Variants in PTPN13 observed in about 807,000 individuals in gnomAD.
PTPN13 encodes the protein tyrosine-protein phosphatase non-receptor type 13.
Under a neutral mutation model 284.0 loss-of-function variants are expected in PTPN13, and 191 were observed. The observed-to-expected ratio is 0.67, with a 90% confidence interval of 0.60 to 0.76. The LOEUF is 0.76. Among genes scored for constraint, PTPN13 ranks in the 30% least tolerant of loss-of-function variants. The pLI is 0.00. For missense variants in PTPN13, 2,797 were observed against 2,939.9 expected (o/e 0.95, Z 1.12); for synonymous variants, 986 against 1,022.3 (o/e 0.96, Z 0.68).
intron 44 of PTPN13, among the ~76,000 whole-genome samples, chr4:86,805,670 TA>T (rs1300070972): frequency 1.3e-5 from 2 of 152,234 alleles, no homozygotes; most frequent in African/African-American, 4.8e-5. Flanking sequence ...AAAATCTTTT[TA>T]AAAATAGGAA....
intron 7 of PTPN13, among the ~76,000 whole-genome samples, chr4:86,703,356 T>C (rs919090638): frequency 6.6e-6 from 1 of 151,992 alleles, no homozygotes; most frequent in Admixed American, 6.6e-5. Context: ...CAACAGCTAG[T>C]ATATGAACAT....
At chr4:86,765,541 GA>G in intron 26 of PTPN13, 53 bp downstream of exon 26, 1 of 1,260,018 alleles carries the variant, frequency 7.9e-7, no homozygotes, top group Non-Finnish European at 1.1e-6. Context: ...ACAACAAATA[GA>G]TAAGAAATTA....
chr4:86,732,818 A>C, intron 12 of PTPN13, 52 bp downstream of exon 12: 2 of 1,494,908 alleles, frequency 1.3e-6, no homozygotes, highest in Admixed American at 1.9e-5. Context: ...AGCAACAAGC[A>C]GACTTCCTAT....
rs1161704816 is a variant in PTPN13 at position 86,728,261 on chromosome 4, T to C, written c.1609-4139T>C. Among the ~76,000 whole-genome samples, 2 of 149,456 alleles carry C rather than the reference T, an allele frequency of 1.3e-5. 1 individual carries two copies. Among genetic ancestry groups the C allele is most frequent in the Non-Finnish European group, 3.0e-5 (2 of 66,626 alleles). On this transcript the variant is annotated intron_variant, in intron 10 of 47. Coordinates refer to ENST00000411767, the MANE Select transcript of PTPN13 (RefSeq NM_080683.3). ...TATGTGGTCAATTTTAGAATAAGTG[T>C]GATGTGGTGCTGAGAAGAATGTACA...
chr4:86,696,908 T>C (rs1312003755), intron 6 of PTPN13, among the ~76,000 whole-genome samples: 1 of 152,056 alleles, frequency 6.6e-6, no homozygotes, highest in East Asian at 1.9e-4. Flanking sequence ...TCTTTAGACC[T>C]TCTTAACCAT....
rs1293715960 is a variant in PTPN13 at position 86,600,598 on chromosome 4, CA to C, written c.-6+5814del. Among the ~76,000 whole-genome samples the C allele has an allele frequency of 2.0e-5, 3 of 151,602 alleles. No homozygotes were observed. In the East Asian group the frequency reaches 5.8e-4, roughly 29 times the overall value. ...CTTAGTTGTAATAGAGTCTGTGGAA[CA>C]AAAATGAAACATTCTTGTTGAACTT... On this transcript the variant is annotated intron_variant, in intron 1 of 47. Transcript: ENST00000411767.
chr4:86,781,039 G>T (rs539567176), intron 36 of PTPN13, among the ~76,000 whole-genome samples: 6 of 152,158 alleles, frequency 3.9e-5, no homozygotes, highest in Admixed American at 1.3e-4. Context: ...GTTTTGAACC[G>T]GTGGTGTATT....
At chr4:86,620,240 A>G (rs1721056930) in intron 1 of PTPN13, among the ~76,000 whole-genome samples, 1 of 152,174 alleles carries the variant, frequency 6.6e-6, no homozygotes, top group African/African-American at 2.4e-5. Context: ...GGCCCGGTTC[A>G]CTGCAGCCTT....
chr4:86,631,713 C>T (rs141678696), intron 1 of PTPN13, among the ~76,000 whole-genome samples: 277 of 152,084 alleles, frequency 1.8e-3, no homozygotes, highest in Non-Finnish European at 2.8e-3. Context: ...TGATATAATT[C>T]GTACCCGATT....
rs748129111 is a variant in PTPN13, at chr4:86,689,190, G to A, written c.546G>A (p.Gly182=). 26 of 1,608,688 alleles carry A rather than the reference G, an allele frequency of 1.6e-5. No individual in the cohort carries two copies. The highest frequency in any genetic ancestry group is 2.0e-5 in the Non-Finnish European group (23 of 1,175,696). The change falls in exon 5 of 48, where the codon GGG becomes GGA. Residue 182 remains glycine, a splice_region_variant and synonymous_variant. Coordinates refer to ENST00000411767, the MANE Select transcript of PTPN13 (RefSeq NM_080683.3). ...LVKLVLGNLS[G]TDQLSCNSEQ... The stretch of plus-strand genomic sequence containing the variant: ...AACTGGTTCTGGGAAATCTTTCTGG[G>A]GTAAGCTACAGTTACAATAGTAAAT...
chr4:86,655,406 T>C (rs961968952), intron 2 of PTPN13, among the ~76,000 whole-genome samples: 2 of 152,214 alleles, frequency 1.3e-5, no homozygotes, highest in African/African-American at 4.8e-5. Context: ...TGTTTAGTGC[T>C]TCTTTCAGGA....
At chr4:86,638,586 C>T (rs1032117922) in intron 2 of PTPN13, among the ~76,000 whole-genome samples, 14 of 152,116 alleles carry the variant, frequency 9.2e-5, no homozygotes, top group Admixed American at 2.0e-4. Context: ...GGAAACGATT[C>T]GCTATTTAAT....
At chr4:86,771,807 A>T (rs547595684) in intron 31 of PTPN13, among the ~76,000 whole-genome samples, 30 of 152,344 alleles carry the variant, frequency 2.0e-4, no homozygotes, top group African/African-American at 6.0e-4. Context: ...ACTGTTAATC[A>T]TACTACTTAA....
chr4:86,712,524 C>A (rs987979763), intron 7 of PTPN13, among the ~76,000 whole-genome samples: 1 of 151,948 alleles, frequency 6.6e-6, no homozygotes. Flanking sequence ...CTTCAGAACA[C>A]AAGAAGCTCA....
chr4:86,672,478 C>T lies in PTPN13; in HGVS notation c.229C>T (p.Arg77Ter), dbSNP rs766654950. The T allele has an allele frequency of 1.9e-6, 3 of 1,603,838 alleles. No homozygotes were observed. Among genetic ancestry groups the T allele is most frequent in the Admixed American group, 1.7e-5 (1 of 58,662 alleles). Reference sequence around the variant, plus strand: ...TGAAAATATTTCCAATCAGGATCTTCGAGCATTCACTGCACCAGAGGTTCT... The same window carrying T: ...TGAAAATATTTCCAATCAGGATCTTTGAGCATTCACTGCACCAGAGGTTCT... ...TDENISNQDL[R>*]AFTAPEVLQN... is the part of the protein sequence containing the mutation. The change falls in exon 3 of 48, where the codon CGA (arginine) becomes TGA (stop). Residue 77 changes from arginine (R) to a stop codon, truncating the protein, a stop_gained. Transcript: ENST00000411767. LOFTEE classifies it high-confidence loss of function.
At chr4:86,791,733 T>G (rs2149338016) in intron 40 of PTPN13, among the ~76,000 whole-genome samples, 1 of 152,262 alleles carries the variant, frequency 6.6e-6, no homozygotes, top group South Asian at 2.1e-4. Context: ...GGAGTGGACC[T>G]CCAGCAAACT....
At position 86,639,919 on chromosome 4, in the gene PTPN13, C is replaced by A. The variant is rs376142478; in HGVS notation, c.115+4548C>A. Among the ~76,000 whole-genome samples the A allele has an allele frequency of 3.3e-5, 5 of 152,012 alleles. No individual in the cohort carries two copies. The East Asian group carries it at 9.6e-4, about 29-fold the overall frequency. On this transcript the variant is annotated intron_variant, in intron 2 of 47. Transcript: ENST00000411767. ...CCCAGCAATTTGTGTTTTAACAAGCCCTCAAGGACATTGTGATGCATGCTA... is the reference window on the plus strand; with the variant it reads ...CCCAGCAATTTGTGTTTTAACAAGCACTCAAGGACATTGTGATGCATGCTA...
intron 1 of PTPN13, among the ~76,000 whole-genome samples, chr4:86,626,134 C>T (rs1398658869): frequency 2.6e-5 from 4 of 152,102 alleles, no homozygotes; most frequent in Admixed American, 6.6e-5. Flanking sequence ...TTTTACTTTT[C>T]TCCTAAGTTT....
At chr4:86,811,435 C>T (rs1745200089) in intron 47 of PTPN13, among the ~76,000 whole-genome samples, 1 of 152,144 alleles carries the variant, frequency 6.6e-6, no homozygotes, top group Non-Finnish European at 1.5e-5. Context: ...TTCCCTATTT[C>T]CAACCTGAAA....
Sources: allele counts gnomAD v4.1 joint callset (sites outside exome capture counted in the v4.1 genomes callset), GRCh38; gene constraint gnomAD v4.1.1; transcripts MANE v1.5; gene names NCBI Gene and HGNC (gene_info 2026-07-23, HGNC 2026-07-21).